Variants in EPHX1 observed in about 807,000 individuals in gnomAD.
EPHX1 encodes epoxide hydratase.
A neutral mutation model predicts 43.2 loss-of-function variants in EPHX1; 40 were observed. The observed-to-expected ratio is 0.93, with a 90% CI of 0.72 to 1.21. The LOEUF is 1.21. EPHX1 is among the 50% of genes most tolerant of loss of function. The pLI is 0.00. For synonymous variants in EPHX1, 221 were observed against 226.7 expected, an observed-to-expected ratio of 0.98 and a Z score of 0.22; for missense variants, 550 against 570.4, an observed-to-expected ratio of 0.96 and a Z score of 0.36.
At chr1:225,814,311 A>G (rs1666619997) in intron 1 of EPHX1, among the ~76,000 whole-genome samples, 1 of 152,180 alleles carries the variant, frequency 6.6e-6, no homozygotes, top group African/African-American at 2.4e-5. Flanking sequence ...AGGCAGGAGG[A>G]TCTCTTGAGC....
rs373026463 is a variant in EPHX1, at chr1:225,842,585, ATTG to A, written c.1040+115_1040+117del. The A allele has an allele frequency of 1.6e-3, 1,330 of 840,438 alleles. 14 individuals are homozygous for A. The African/African-American group carries it at 0.019, about 12-fold the overall frequency. The allele number at this position is 840,438 out of a possible 1,614,324, so 52.1% of individuals were successfully genotyped here. A position where few individuals can be genotyped will look rare whatever the true frequency, so the allele number is the denominator to read the frequency against. On this transcript the variant is annotated intron_variant, in intron 7 of 8. Transcript: ENST00000272167. ...CTGCATGGGGCACTCAGCAAATTCT[ATTG>A]TTGGCTTTCTTACAAATCCTCACCC...
chr1:225,838,437 G>GC (rs1365000723), intron 3 of EPHX1, among the ~76,000 whole-genome samples: 11 of 152,164 alleles, frequency 7.2e-5, no homozygotes, highest in African/African-American at 2.7e-4. Flanking sequence ...TAGCTCCCTT[G>GC]CAGGGAGGTT....
rs1667406665 is a variant in EPHX1 at position 225,828,792 on chromosome 1, G to A, written c.63G>A (p.Arg21=). ...LGFAIYWFIS[R]DKEETLPLED... is the part of the protein sequence containing the mutation. ...TTGCCATCTACTGGTTCATCTCCCG[G>A]GACAAAGAGGAAACTTTGCCACTTG... Residue 21 remains arginine, a synonymous_variant, in exon 2 of 9, where the codon CGG becomes CGA. Transcript: ENST00000272167. The A allele has an allele frequency of 1.2e-6, 2 of 1,613,828 alleles. No homozygotes were observed. Among genetic ancestry groups the A allele is most frequent in the Non-Finnish European group, 1.7e-6 (2 of 1,179,984 alleles).
rs150397580 is a variant in EPHX1, at chr1:225,812,944, C to G, written c.-6+2775C>G. Among the ~76,000 whole-genome samples the G allele has an allele frequency of 2.5e-3, 383 of 152,278 alleles. 2 individuals carry two copies. Among genetic ancestry groups the G allele is most frequent in the Admixed American group, 0.019 (287 of 15,300 alleles). On this transcript the variant is annotated intron_variant, in intron 1 of 8. Transcript: ENST00000272167. ...CAATTCATTCCTTTGAGAGGTAATA[C>G]AGTGATGTGGGAAGAGGATTGGGCT...
chr1:225,832,215 T>C (rs1667646775), intron 3 of EPHX1: 2 of 471,084 alleles, frequency 4.2e-6, no homozygotes, highest in South Asian at 2.1e-5. Context: ...TCCAATGATG[T>C]GGCAATCTTT....
At chr1:225,820,778 C>G (rs1666945875) in intron 1 of EPHX1, among the ~76,000 whole-genome samples, 2 of 151,896 alleles carry the variant, frequency 1.3e-5, no homozygotes, top group Non-Finnish European at 2.9e-5. Context: ...AAAACCTAAC[C>G]ACTTCTGCTT....
Position 225,845,261 on chromosome 1 carries a change from C to T in EPHX1, c.1282C>T (p.Arg428Cys), listed in dbSNP as rs199757500. The T allele has an allele frequency of 1.1e-4, 181 of 1,613,748 alleles. No individual in the cohort carries two copies. The highest frequency in any genetic ancestry group is 1.7e-4 in the Middle Eastern group (1 of 5,828). Residue 428 changes from arginine (R) to cysteine (C), a missense_variant, in exon 9 of 9, where the codon CGT becomes TGT. Arg to Cys is a radical substitution (Grantham distance 180). Coordinates refer to ENST00000272167, the MANE Select transcript of EPHX1 (RefSeq NM_001136018.4). ...GCTCATCTCCTATTCCTACATGGTT[C>T]GTGGGGGCCACTTTGCGGCCTTTGA... ...PKLISYSYMV[R>C]GGHFAAFEEP...
Position 225,845,279 on chromosome 1 carries a change from G to A in EPHX1, c.1300G>A (p.Ala434Thr). ...CATGGTTCGTGGGGGCCACTTTGCG[G>A]CCTTTGAGGAGCCGGAGCTGCTCGC... The part of the protein sequence containing the change: ...SYMVRGGHFA[A>T]FEEPELLAQD... The change falls in exon 9 of 9, where the codon GCC becomes ACC. Residue 434 changes from alanine to threonine, a missense_variant. Physicochemically the swap from Ala to Thr is moderately conservative, Grantham distance 58. Coordinates refer to ENST00000272167, the MANE Select transcript of EPHX1 (RefSeq NM_001136018.4). 5.0e-6 allele frequency: 8 copies of A among 1,613,460 alleles called. No homozygotes were observed. The highest frequency in any genetic ancestry group is 6.8e-6 in the Non-Finnish European group (8 of 1,180,004).
intron 3 of EPHX1, among the ~76,000 whole-genome samples, chr1:225,834,324 GA>G (rs773463441): frequency 1.3e-5 from 2 of 151,764 alleles, no homozygotes; most frequent in Non-Finnish European, 2.9e-5. Flanking sequence ...AGAATTGCTT[GA>G]ACCAGGGAGG....
intron 3 of EPHX1, among the ~76,000 whole-genome samples, chr1:225,832,997 TC>T (rs1667702170): frequency 6.6e-6 from 1 of 152,238 alleles, no homozygotes; most frequent in African/African-American, 2.4e-5. Flanking sequence ...TTAATCTTTT[TC>T]AGAGACAAGG....
chr1:225,813,691 C>G (rs1666589172), intron 1 of EPHX1, among the ~76,000 whole-genome samples: 1 of 152,232 alleles, frequency 6.6e-6, no homozygotes, highest in Non-Finnish European at 1.5e-5. Flanking sequence ...ACTGCCACAG[C>G]CTGACCTACG....
Position 225,845,339 on chromosome 1 carries a change from C to A in EPHX1, c.1360C>A (p.Arg454=). 6.2e-7 allele frequency: 1 copy of A among 1,609,106 alleles called. No individual in the cohort carries two copies. Among genetic ancestry groups the A allele is most frequent in the Non-Finnish European group, 8.5e-7 (1 of 1,179,502 alleles). The change falls in exon 9 of 9, where the codon CGG becomes AGG. Residue 454 remains arginine (R), a synonymous_variant. Transcript: ENST00000272167. ...DIRKFLSVLE[R]Q Reference sequence around the variant, plus strand: ...CCGCAAGTTCCTGTCGGTGCTGGAGCGGCAATGACCCACCCCTCTCCCCCC... The same window carrying A: ...CCGCAAGTTCCTGTCGGTGCTGGAGAGGCAATGACCCACCCCTCTCCCCCC...
intron 1 of EPHX1, among the ~76,000 whole-genome samples, chr1:225,812,921 A>G (rs1666553423): frequency 6.6e-6 from 1 of 152,190 alleles, no homozygotes; most frequent in Non-Finnish European, 1.5e-5. Context: ...ATCAACAGCA[A>G]TTCATTCCTT....
intron 1 of EPHX1, among the ~76,000 whole-genome samples, chr1:225,813,084 A>G (rs1424832950): frequency 6.6e-6 from 1 of 152,174 alleles, no homozygotes; most frequent in Non-Finnish European, 1.5e-5. Flanking sequence ...CAGCTCTGCT[A>G]TGTGATGATT....
chr1:225,843,536 C>A (rs533516209), intron 7 of EPHX1, among the ~76,000 whole-genome samples: 17 of 152,166 alleles, frequency 1.1e-4, no homozygotes, highest in Non-Finnish European at 2.1e-4. Context: ...TGCAAGACCA[C>A]CTTGGCAGGG....
At chr1:225,813,767 TGTCTTTCC>T (rs1666594071) in intron 1 of EPHX1, among the ~76,000 whole-genome samples, 1 of 152,182 alleles carries the variant, frequency 6.6e-6, no homozygotes, top group Non-Finnish European at 1.5e-5. Flanking sequence ...CTGCTGTCTG[TGTCTTTCC>T]GTCTGTTGCC....
intron 1 of EPHX1, among the ~76,000 whole-genome samples, chr1:225,821,412 A>AAGGGAT (rs1666973383): frequency 6.6e-6 from 1 of 151,516 alleles, no homozygotes; most frequent in Non-Finnish European, 1.5e-5. Flanking sequence ...CACCCAGCTA[A>AAGGGAT]TTTTTGTGTT....
chr1:225,834,112 G>GAAAAA lies in EPHX1; in HGVS notation c.364+2162_364+2166dup, dbSNP rs59007136. Among the ~76,000 whole-genome samples, 2 of 105,802 alleles carry GAAAAA rather than the reference G, an allele frequency of 1.9e-5. 1 individual carries two copies. 69.4% of individuals were successfully genotyped at this position (105,802 alleles called of 152,430 possible). ...GACTCTGTCTCAAAAAAAAAAAAAA[G>GAAAAA]AAAAAAAAAAAAAGCCGGGTGCGGT... On this transcript the variant is annotated intron_variant, in intron 3 of 8. Coordinates refer to ENST00000272167, the MANE Select transcript of EPHX1 (RefSeq NM_001136018.4).
At chr1:225,831,181 C>A (rs1167260324) in intron 2 of EPHX1, among the ~76,000 whole-genome samples, 4 of 152,190 alleles carry the variant, frequency 2.6e-5, no homozygotes, top group African/African-American at 9.7e-5. Flanking sequence ...TGGCCCTTTA[C>A]AGAAAAAGTT....
Sources: allele counts gnomAD v4.1 joint callset (sites outside exome capture counted in the v4.1 genomes callset), GRCh38; gene constraint gnomAD v4.1.1; transcripts MANE v1.5; gene names NCBI Gene and HGNC (gene_info 2026-07-23, HGNC 2026-07-21).